Variants in SEPTIN7 observed in about 807,000 individuals in gnomAD.
SEPTIN7 encodes septin-7.
A neutral mutation model predicts 63.3 loss-of-function variants in SEPTIN7; 10 were observed. The ratio of observed to expected loss-of-function variants is 0.16; its 90% CI spans 0.10 to 0.27. The LOEUF is 0.27. Among genes scored for constraint, SEPTIN7 ranks in the 10% least tolerant of loss-of-function variants. The probability of loss-of-function intolerance (pLI) is 1.00; values close to 1 mark genes in which losing one functional copy is unlikely to be tolerated. For synonymous variants in SEPTIN7, 131 were observed against 165.3 expected (o/e 0.79, Z 1.59); for missense variants, 310 against 521.0 (o/e 0.59, Z 3.94).
At chr7:35,894,262 CA>C (rs1228512849) in intron 11 of SEPTIN7, among the ~76,000 whole-genome samples, 1 of 151,752 alleles carries the variant, frequency 6.6e-6, no homozygotes, top group Non-Finnish European at 1.5e-5. Flanking sequence ...TCATTGGTAC[CA>C]ATTGTGACAA....
intron 3 of SEPTIN7, among the ~76,000 whole-genome samples, chr7:35,862,299 G>GT (rs1386698941): frequency 6.6e-6 from 1 of 151,520 alleles, no homozygotes; most frequent in African/African-American, 2.4e-5. Context: ...ATAAAAAGGG[G>GT]TAAAAAACTA....
intron 5 of SEPTIN7, among the ~76,000 whole-genome samples, chr7:35,873,387 A>G (rs1786276529): frequency 6.6e-6 from 1 of 152,108 alleles, no homozygotes; most frequent in African/African-American, 2.4e-5. Context: ...TAATACACTT[A>G]TTAGTGCAAA....
chr7:35,855,103 T>C (rs1438060838), intron 3 of SEPTIN7, among the ~76,000 whole-genome samples: 6 of 152,184 alleles, frequency 3.9e-5, no homozygotes, highest in Admixed American at 3.9e-4. Context: ...TTTTTTATAC[T>C]TTTATATACA....
chr7:35,884,001 C>T lies in SEPTIN7; in HGVS notation c.820+14C>T, dbSNP rs1247625977. The T allele has an allele frequency of 6.0e-6, 9 of 1,495,856 alleles. No individual in the cohort carries two copies. The highest frequency in any genetic ancestry group is 8.4e-6 in the Non-Finnish European group (9 of 1,073,198). The allele number at this position is 1,495,856 out of a possible 1,614,324, so 92.7% of individuals were successfully genotyped here. A position where few individuals can be genotyped will look rare whatever the true frequency, so the allele number is the denominator to read the frequency against. On this transcript the variant is annotated intron_variant, in intron 9 of 13. Transcript: ENST00000350320. Reference sequence around the variant, plus strand: ...GTGTTGCTGAAGGTAAGATTTTCTTCAGTGAATGACTTTCTAAAATATCTC... The same window carrying T: ...GTGTTGCTGAAGGTAAGATTTTCTTTAGTGAATGACTTTCTAAAATATCTC...
At chr7:35,847,019 G>A (rs977434539) in intron 3 of SEPTIN7, 2 of 158,848 alleles carry the variant, frequency 1.3e-5, no homozygotes, top group Admixed American at 6.4e-5. Context: ...CTATTCCCAT[G>A]CCAGTGCTCC....
intron 1 of SEPTIN7, among the ~76,000 whole-genome samples, chr7:35,830,043 G>A (rs6978894): frequency 0.056 from 8,577 of 152,050 alleles, 715 homozygotes; most frequent in African/African-American, 0.18. Context: ...AAAATTAGCC[G>A]GGTGTGGTGG....
Position 35,827,236 on chromosome 7 carries a change from AT to A in SEPTIN7, c.62-4251del, listed in dbSNP as rs1353278303. Among the ~76,000 whole-genome samples, 8 of 152,308 alleles carry A rather than the reference AT, an allele frequency of 5.3e-5. No individual in the cohort carries two copies. In the East Asian group the frequency reaches 1.5e-3, roughly 29 times the overall value. On this transcript the variant is annotated intron_variant, in intron 1 of 13. Transcript: ENST00000350320. ...AGGAATACTTTAAAGACCTAGGGGT[AT>A]TTTTGTAGAAGCTTGGGTGAATATG...
chr7:35,890,646 T>A, intron 10 of SEPTIN7, 22 bp from the exon 11 acceptor site: 1 of 1,445,012 alleles, frequency 6.9e-7, no homozygotes, highest in Non-Finnish European at 9.1e-7. Flanking sequence ...AGAAGCAAAC[T>A]CTTGCTGTTT....
intron 3 of SEPTIN7, among the ~76,000 whole-genome samples, chr7:35,855,540 C>T (rs1785162656): frequency 6.6e-6 from 1 of 152,122 alleles, no homozygotes; most frequent in South Asian, 2.1e-4. Context: ...TTATTTTAAG[C>T]ATGAGTTTTT....
chr7:35,803,869 AATGT>A (rs1190687156), intron 1 of SEPTIN7, among the ~76,000 whole-genome samples: 3 of 152,232 alleles, frequency 2.0e-5, no homozygotes, highest in Admixed American at 2.0e-4. Flanking sequence ...CATACTGTTA[AATGT>A]AGACCATTGA....
intron 3 of SEPTIN7, among the ~76,000 whole-genome samples, chr7:35,835,519 A>G (rs1390134612): frequency 1.3e-5 from 2 of 152,150 alleles, no homozygotes; most frequent in African/African-American, 4.8e-5. Context: ...AGATGGCAGA[A>G]CCAAACCCAG....
chr7:35,824,304 T>C (rs1783394844), intron 1 of SEPTIN7, among the ~76,000 whole-genome samples: 1 of 152,194 alleles, frequency 6.6e-6, no homozygotes, highest in African/African-American at 2.4e-5. Context: ...TTGACCTCCT[T>C]TGAAATGCTT....
chr7:35,908,527 G>T (rs1788677631), downstream of SEPTIN7, among the ~76,000 whole-genome samples: 1 of 152,174 alleles, frequency 6.6e-6, no homozygotes, highest in South Asian at 2.1e-4. Flanking sequence ...TTGTGGACCT[G>T]CCGAAATCGA....
chr7:35,880,375 C>T (rs923144513), intron 7 of SEPTIN7, among the ~76,000 whole-genome samples: 1 of 151,766 alleles, frequency 6.6e-6, no homozygotes, highest in African/African-American at 2.4e-5. Flanking sequence ...ATTTGTACAT[C>T]TGTTTCACTG....
intron 1 of SEPTIN7, among the ~76,000 whole-genome samples, chr7:35,811,814 G>C (rs1232700358): frequency 6.6e-6 from 1 of 152,158 alleles, no homozygotes; most frequent in African/African-American, 2.4e-5. Flanking sequence ...ATGAGGTCAG[G>C]AGTTCAAGAC....
chr7:35,872,533 G>A lies in SEPTIN7; in HGVS notation c.277-133G>A, dbSNP rs1393859277. The A allele has an allele frequency of 4.5e-6, 3 of 665,676 alleles. No individual in the cohort carries two copies. In the African/African-American group the frequency reaches 5.4e-5, roughly 12 times the overall value. 41.2% of individuals were successfully genotyped at this position (665,676 alleles called of 1,614,324 possible). A position where few individuals can be genotyped will look rare whatever the true frequency, so the allele number is the denominator to read the frequency against. The stretch of plus-strand genomic sequence containing the variant: ...TATCATCAATTCTAAAGGTAATGTG[G>A]TAGTAGGTAGATTTAGTTTGCTAAC... On this transcript the variant is annotated intron_variant, in intron 4 of 13. Transcript: ENST00000350320.
intron 1 of SEPTIN7, among the ~76,000 whole-genome samples, chr7:35,819,231 T>C (rs1789266535): frequency 6.6e-6 from 1 of 152,134 alleles, no homozygotes; most frequent in Admixed American, 6.6e-5. Context: ...GAATGTACTG[T>C]TTAATTTTCA....
chr7:35,872,853 T>G, intron 5 of SEPTIN7, 87 bp downstream of exon 5: 1 of 898,618 alleles, frequency 1.1e-6, no homozygotes, highest in Non-Finnish European at 1.8e-6. Context: ...TTAAAACTTC[T>G]CATCTTAGCA....
chr7:35,827,874 C>T (rs566970632), intron 1 of SEPTIN7, among the ~76,000 whole-genome samples: 2 of 152,286 alleles, frequency 1.3e-5, no homozygotes, highest in African/African-American at 2.4e-5. Flanking sequence ...CACTTCTATA[C>T]GAATTTTGGG....
Sources: gnomAD v4.1 joint callset for allele counts (sites outside exome capture counted in the v4.1 genomes callset) on GRCh38, gnomAD v4.1.1 for gene constraint, MANE v1.5 for transcripts, NCBI Gene and HGNC (gene_info 2026-07-23, HGNC 2026-07-21) for gene names.